The following GLI2 variants were observed in gnomAD, a reference collection of about 807,000 sequenced individuals.
The protein encoded by GLI2 is transcription activator GLI2.
GLI2 carries 22 observed loss-of-function variants against 78.9 expected under a neutral mutation model. The observed-to-expected ratio is 0.28, with a 90% confidence interval of 0.20 to 0.40. GLI2 has a LOEUF of 0.40. GLI2 is among the 10% of genes least tolerant of loss of function. The pLI, the probability that GLI2 is intolerant of heterozygous loss-of-function variation, is 1.00. For synonymous variants in GLI2, 974 were observed against 963.7 expected (o/e 1.01, Z -0.20); for missense variants, 2,097 against 2,213.2 (o/e 0.95, Z 1.05).
chr2:120,926,205 G>C (rs1228098508), intron 2 of GLI2, among the ~76,000 whole-genome samples: 4 of 149,316 alleles, frequency 2.7e-5, no homozygotes, highest in African/African-American at 9.8e-5. Context: ...ACAGTTAGTA[G>C]CATTATTTTT....
At chr2:120,828,887 C>T (rs1473154712) in intron 2 of GLI2, among the ~76,000 whole-genome samples, 1 of 135,716 alleles carries the variant, frequency 7.4e-6, no homozygotes, top group African/African-American at 2.6e-5. Context: ...AGATCATCCA[C>T]AGCCACTATT....
chr2:120,989,492 C>A lies in GLI2; in HGVS notation c.3527C>A (p.Ala1176Asp). The A allele has an allele frequency of 1.2e-6, 2 of 1,612,572 alleles. No homozygotes were observed. The highest frequency in any genetic ancestry group is 1.7e-6 in the Non-Finnish European group (2 of 1,179,790). Residue 1176 changes from alanine (A) to aspartate (D), a missense_variant, in exon 14 of 14, where the codon GCT (alanine) becomes GAT (aspartate). Around this residue, in one of 5 missense-constraint regions of GLI2, gnomAD observed 1,290 missense variants for 1,261.7 expected, o/e 1.02. Transcript: ENST00000361492. ...YPGYSPQGLQASPGGLDSTQP... is the reference protein window; with the variant it reads ...YPGYSPQGLQDSPGGLDSTQP... Reference sequence around the variant, plus strand: ...GGCTACAGTCCGCAAGGCCTACAGGCTAGCCCTGGGGGCCTGGACAGCACG... The same window carrying A: ...GGCTACAGTCCGCAAGGCCTACAGGATAGCCCTGGGGGCCTGGACAGCACG...
At chr2:120,894,050 G>A (rs1023786874) in intron 2 of GLI2, among the ~76,000 whole-genome samples, 11 of 152,202 alleles carry the variant, frequency 7.2e-5, no homozygotes, top group Non-Finnish European at 1.0e-4. Context: ...AATCAATGCC[G>A]AAGGCTGAGG....
rs144803259 is a variant in GLI2 at position 120,990,582 on chromosome 2, C to T, written c.4617C>T (p.Ile1539=). The change falls in exon 14 of 14, where the codon ATC becomes ATT. Residue 1539 remains isoleucine, a synonymous_variant. Coordinates refer to ENST00000361492, the MANE Select transcript of GLI2 (RefSeq NM_001374353.1). ...TPRNSLTLPS[I]PAGISNMAVG... is the part of the protein sequence containing the mutation. ...GAAACTCCTTGACCCTGCCCTCCAT[C>T]CCCGCAGGCATCAGCAACATGGCTG... 10 of 1,613,908 alleles carry T rather than the reference C, an allele frequency of 6.2e-6. No homozygotes were observed. Among genetic ancestry groups the T allele is most frequent in the Non-Finnish European group, 7.6e-6 (9 of 1,179,978 alleles).
chr2:120,752,269 A>ATT (rs192674460), intron 1 of GLI2, among the ~76,000 whole-genome samples: 31 of 129,924 alleles, frequency 2.4e-4, no homozygotes, highest in African/African-American at 3.8e-4. Context: ...CCTATCTTTA[A>ATT]TTTTTTTTTT....
intron 2 of GLI2, among the ~76,000 whole-genome samples, chr2:120,842,642 C>T (rs1312277161): frequency 6.6e-6 from 1 of 152,200 alleles, no homozygotes; most frequent in Admixed American, 6.5e-5. Flanking sequence ...ACCGACCCTC[C>T]ATAGCAAGGC....
intron 2 of GLI2, among the ~76,000 whole-genome samples, chr2:120,905,699 G>A (rs992930263): frequency 5.3e-5 from 8 of 152,334 alleles, no homozygotes; most frequent in South Asian, 2.1e-4. Context: ...CCCGCATCTG[G>A]AGGGCCCTTC....
intron 1 of GLI2, among the ~76,000 whole-genome samples, chr2:120,779,947 G>T (rs541429773): frequency 1.7e-4 from 26 of 152,302 alleles, no homozygotes; most frequent in African/African-American, 6.0e-4. Context: ...TATGTGTCAC[G>T]GGTGTGTTTG....
At chr2:120,909,402 A>T (rs556236037) in intron 2 of GLI2, among the ~76,000 whole-genome samples, 2 of 151,988 alleles carry the variant, frequency 1.3e-5, no homozygotes, top group East Asian at 1.9e-4. Flanking sequence ...CTCCCACTGC[A>T]CCTGGCTCTG....
At chr2:120,974,867 T>A in intron 8 of GLI2, 108 bp from the exon 9 acceptor site, 1 of 1,540,246 alleles carries the variant, frequency 6.5e-7, no homozygotes, top group South Asian at 1.1e-5. Flanking sequence ...TCCACACCTG[T>A]AACAGCCCAG....
Position 120,767,113 on chromosome 2 carries a change from C to T in GLI2, c.-30-30178C>T, listed in dbSNP as rs772361157. Among the ~76,000 whole-genome samples the T allele has an allele frequency of 2.9e-4, 44 of 152,214 alleles. 1 individual carries two copies. The highest frequency in any genetic ancestry group is 9.2e-4 in the African/African-American group (38 of 41,448). On this transcript the variant is annotated intron_variant, in intron 1 of 13. Transcript: ENST00000361492. Reference sequence around the variant, plus strand: ...CGACAGACATACAGCAGGCTCTAACCGACCTCTACGTAACTTGTTCTTTCC... The same window carrying T: ...CGACAGACATACAGCAGGCTCTAACTGACCTCTACGTAACTTGTTCTTTCC...
chr2:120,874,974 A>G (rs1688661797), intron 2 of GLI2, among the ~76,000 whole-genome samples: 1 of 152,202 alleles, frequency 6.6e-6, no homozygotes, highest in Non-Finnish European at 1.5e-5. Flanking sequence ...CTAGCTTCCC[A>G]GACACTTTCG....
rs753143516 is a variant in GLI2 at position 120,988,269 on chromosome 2, C to T, written c.2304C>T (p.Asn768=). 9 of 1,570,576 alleles carry T rather than the reference C, an allele frequency of 5.7e-6. No homozygotes were observed. The highest frequency in any genetic ancestry group is 7.7e-6 in the Non-Finnish European group (9 of 1,163,968). The change falls in exon 14 of 14, where the codon AAC becomes AAT. Residue 768 remains asparagine, a synonymous_variant. Coordinates refer to ENST00000361492, the MANE Select transcript of GLI2 (RefSeq NM_001374353.1). ...GCGGGCCCGCGGGGCTGCTGCCGAA[C>T]CCGCGGCTGTCGGAGCTGTCCGCGA... is the stretch of plus-strand genomic sequence containing the variant. ...GGGGPAGLLP[N]PRLSELSASE...
chr2:120,764,322 C>A lies in GLI2; in HGVS notation c.-31+28037C>A, dbSNP rs183328713. 8.7e-3 allele frequency among the ~76,000 whole-genome samples: 1,329 copies of A among 152,308 alleles called. 13 individuals carry two copies. The highest frequency in any genetic ancestry group is 0.014 in the Non-Finnish European group (940 of 68,028). ...AGGAGACCCAGAATTCACCTCCAGG[C>A]GGTCAGGAGCAGGGTTTCTGGTTGT... On this transcript the variant is annotated intron_variant, in intron 1 of 13. Transcript: ENST00000361492.
At chr2:120,759,366 T>C (rs945082331) in intron 1 of GLI2, among the ~76,000 whole-genome samples, 4 of 152,092 alleles carry the variant, frequency 2.6e-5, no homozygotes, top group Admixed American at 6.5e-5. Context: ...CAGATGCCAG[T>C]CTCAAGTACA....
chr2:120,754,543 T>G (rs1481114802), intron 1 of GLI2, among the ~76,000 whole-genome samples: 1 of 152,174 alleles, frequency 6.6e-6, no homozygotes, highest in African/African-American at 2.4e-5. Context: ...TTTGTCTGGC[T>G]TCTTTCACCA....
intron 3 of GLI2, among the ~76,000 whole-genome samples, chr2:120,942,310 C>A (rs1680485071): frequency 6.6e-6 from 1 of 152,180 alleles, no homozygotes; most frequent in Non-Finnish European, 1.5e-5. Context: ...GGGCTGTGCA[C>A]CCTCAGAGAC....
At chr2:120,987,603 A>G (rs1187177905) in intron 13 of GLI2, among the ~76,000 whole-genome samples, 1 of 152,116 alleles carries the variant, frequency 6.6e-6, no homozygotes, top group Non-Finnish European at 1.5e-5. Context: ...TATGGACCTC[A>G]GGGTACTCCC....
At chr2:120,757,081 A>G (rs1381868931) in intron 1 of GLI2, among the ~76,000 whole-genome samples, 2 of 152,158 alleles carry the variant, frequency 1.3e-5, no homozygotes, top group Non-Finnish European at 2.9e-5. Flanking sequence ...GTCGTTTTGT[A>G]TCTTCCATGT....
Sources: allele counts gnomAD v4.1 joint callset (sites outside exome capture counted in the v4.1 genomes callset), GRCh38; gene constraint gnomAD v4.1.1; regional missense constraint gnomAD v4.1.1; transcripts MANE v1.5; gene names NCBI Gene and HGNC (gene_info 2026-07-23, HGNC 2026-07-21).